Variants in XRCC4 observed in about 807,000 individuals in gnomAD.
XRCC4 encodes DNA repair protein XRCC4.
Under a neutral mutation model 39.1 loss-of-function variants are expected in XRCC4, and 28 were observed. The observed-to-expected ratio is 0.72, with a 90% CI of 0.53 to 0.98. The LOEUF (loss-of-function observed/expected upper bound fraction) is 0.98, where lower values mean the gene tolerates loss of function less well. Among genes scored for constraint, XRCC4 ranks in the 50% least tolerant of loss-of-function variants. The probability of loss-of-function intolerance (pLI) is 0.00; values close to 1 mark genes in which losing one functional copy is unlikely to be tolerated. For synonymous variants in XRCC4, 123 were observed against 126.4 expected, an observed-to-expected ratio of 0.97 and a Z score of 0.18; for missense variants, 350 against 376.4, an observed-to-expected ratio of 0.93 and a Z score of 0.58.
intron 1 of XRCC4, among the ~76,000 whole-genome samples, chr5:83,096,244 C>T (rs1272256554): frequency 6.6e-6 from 1 of 152,140 alleles, no homozygotes; most frequent in African/African-American, 2.4e-5. Flanking sequence ...GTGGCAATCC[C>T]ATCCCAGTGG....
intron 1 of XRCC4, among the ~76,000 whole-genome samples, chr5:83,082,746 C>T (rs10079680): frequency 0.49 from 74,805 of 151,144 alleles, 19,385 homozygotes; most frequent in African/African-American, 0.65. Flanking sequence ...TTTTTTGAGC[C>T]CTTTAGGTAT....
rs368717293 is a variant in XRCC4 at position 83,171,482 on chromosome 5, T to TA, written c.316-24278dup. Reference sequence around the variant, plus strand: ...ACAATTACAATTGGGAACTTACACTTAAAAAAAAAATCTAAGTTTCTGGCT... The same window carrying TA: ...ACAATTACAATTGGGAACTTACACTTAAAAAAAAAAATCTAAGTTTCTGGCT... On this transcript the variant is annotated intron_variant, in intron 3 of 7. Transcript: ENST00000396027. 3.8e-3 allele frequency among the ~76,000 whole-genome samples: 578 copies of TA among 150,458 alleles called. 2 individuals are homozygous for TA. Among genetic ancestry groups the TA allele is most frequent in the African/African-American group, 0.012 (485 of 41,112 alleles).
At chr5:83,101,465 G>T (rs1054053567) in intron 1 of XRCC4, among the ~76,000 whole-genome samples, 2 of 152,064 alleles carry the variant, frequency 1.3e-5, no homozygotes, top group Non-Finnish European at 2.9e-5. Flanking sequence ...AAAAGAAAAA[G>T]AACCTATCAT....
intron 3 of XRCC4, among the ~76,000 whole-genome samples, chr5:83,143,694 A>G (rs1040535611): frequency 3.9e-5 from 6 of 152,104 alleles, no homozygotes; most frequent in Non-Finnish European, 7.4e-5. Context: ...TTCTCTGAAC[A>G]AAGATTCTAG....
the XRCC4 span, among the ~76,000 whole-genome samples, chr5:83,368,926 CTCA>C: frequency 6.6e-6 from 1 of 152,082 alleles, no homozygotes; most frequent in East Asian, 1.9e-4. Context: ...AACCAGAAAA[CTCA>C]TACTGAAAAC....
At chr5:83,218,061 T>TA (rs201063491) in intron 6 of XRCC4, among the ~76,000 whole-genome samples, 15,165 of 149,166 alleles carry the variant, frequency 0.1, 2,389 homozygotes, top group African/African-American at 0.34. Context: ...CTTTACCTTT[T>TA]TTATATATAT....
chr5:83,244,701 G>A (rs2112856401), intron 6 of XRCC4, among the ~76,000 whole-genome samples: 1 of 152,200 alleles, frequency 6.6e-6, no homozygotes, highest in East Asian at 1.9e-4. Context: ...ATTGTGGTCT[G>A]CCTGGGCTCC....
chr5:83,102,610 T>C (rs1745994284), intron 1 of XRCC4, among the ~76,000 whole-genome samples: 1 of 152,082 alleles, frequency 6.6e-6, no homozygotes, highest in Non-Finnish European at 1.5e-5. Flanking sequence ...ACACATCTCA[T>C]ATGATTGCAG....
chr5:83,177,897 T>A (rs1271709995), intron 3 of XRCC4, among the ~76,000 whole-genome samples: 1 of 152,074 alleles, frequency 6.6e-6, no homozygotes, highest in Non-Finnish European at 1.5e-5. Context: ...CTCTGATAAA[T>A]GTAGAGAAAG....
At chr5:83,192,262 A>G (rs1420381801) in intron 3 of XRCC4, among the ~76,000 whole-genome samples, 1 of 141,436 alleles carries the variant, frequency 7.1e-6, no homozygotes. Flanking sequence ...ATATACGTAT[A>G]CATATGTATA....
At chr5:83,233,331 TC>T (rs1299696657) in intron 6 of XRCC4, among the ~76,000 whole-genome samples, 1 of 152,158 alleles carries the variant, frequency 6.6e-6, no homozygotes, top group Non-Finnish European at 1.5e-5. Flanking sequence ...TACCCTTGAT[TC>T]TGACTTTTCT....
chr5:83,249,199 C>T (rs1440974421), intron 6 of XRCC4, among the ~76,000 whole-genome samples: 1 of 152,026 alleles, frequency 6.6e-6, no homozygotes, highest in Non-Finnish European at 1.5e-5. Flanking sequence ...GTTATCGAGA[C>T]AATGACTAAC....
chr5:83,193,836 T>C (rs1750818479), intron 3 of XRCC4, among the ~76,000 whole-genome samples: 1 of 152,250 alleles, frequency 6.6e-6, no homozygotes, highest in South Asian at 2.1e-4. Context: ...TGTAACCTAT[T>C]GTCTAAAATA....
intron 7 of XRCC4, among the ~76,000 whole-genome samples, chr5:83,324,023 G>T (rs1177996117): frequency 6.6e-6 from 1 of 151,952 alleles, no homozygotes; most frequent in African/African-American, 2.4e-5. Context: ...GTTTTCATCA[G>T]ATATTTTGGA....
chr5:83,195,344 G>T (rs1017497440), intron 3 of XRCC4, among the ~76,000 whole-genome samples: 1 of 152,018 alleles, frequency 6.6e-6, no homozygotes, highest in African/African-American at 2.4e-5. Flanking sequence ...ACAAAATTTT[G>T]AGCTTTCTTC....
chr5:83,366,952 A>C, the XRCC4 span, among the ~76,000 whole-genome samples: 2 of 152,250 alleles, frequency 1.3e-5, no homozygotes, highest in East Asian at 3.9e-4. Context: ...TAGACCTAGC[A>C]TACTATATAT....
chr5:83,365,716 A>T, the XRCC4 span, among the ~76,000 whole-genome samples: 3 of 152,214 alleles, frequency 2.0e-5, no homozygotes, highest in Admixed American at 6.5e-5. Context: ...CATTATTAGG[A>T]AATAGTCTCT....
the XRCC4 span, among the ~76,000 whole-genome samples, chr5:83,369,222 G>C: frequency 3.0e-3 from 453 of 152,228 alleles, 4 homozygotes; most frequent in African/African-American, 0.01. Flanking sequence ...ATACACAAGA[G>C]AAAGCATTTT....
At chr5:83,291,794 A>G (rs766489665) in intron 7 of XRCC4, among the ~76,000 whole-genome samples, 1 of 151,902 alleles carries the variant, frequency 6.6e-6, no homozygotes, top group East Asian at 1.9e-4. Flanking sequence ...TGATTTGGAC[A>G]TGATGATAAG....
Sources: gnomAD v4.1 joint callset for allele counts (sites outside exome capture counted in the v4.1 genomes callset) on GRCh38, gnomAD v4.1.1 for gene constraint, MANE v1.5 for transcripts, NCBI Gene and HGNC (gene_info 2026-07-23, HGNC 2026-07-21) for gene names.